Variants in FMNL3 observed in about 807,000 individuals in gnomAD.
FMNL3 encodes formin like 3.
In FMNL3, 57 loss-of-function variants were observed where a neutral mutation model predicts 119.6. The observed-to-expected ratio is 0.48, with a 90% CI of 0.39 to 0.59. The LOEUF is 0.59. Among genes scored for constraint, FMNL3 ranks in the 20% least tolerant of loss-of-function variants. The pLI, the probability that FMNL3 is intolerant of heterozygous loss-of-function variation, is 0.00. For synonymous variants in FMNL3, 491 were observed against 507.3 expected (o/e 0.97, Z 0.43); for missense variants, 1,053 against 1,323.5 (o/e 0.80, Z 3.17).
chr12:49,661,256 C>T (rs556297832), intron 5 of FMNL3, among the ~76,000 whole-genome samples: 5 of 152,266 alleles, frequency 3.3e-5, no homozygotes, highest in Admixed American at 6.5e-5. Flanking sequence ...CTTTAACACA[C>T]GTTATCATCT....
rs750775599 is a variant in FMNL3, at chr12:49,640,561, T to C, written c.*5254A>G. On this transcript the variant is annotated 3_prime_UTR_variant, in exon 26 of 26. Transcript: ENST00000335154. ...GGAGAGTAGAGTCATGGAGGTGGCA[T>C]GGGGGCAGCACATGTTTTAGAGTCA... The C allele has an allele frequency of 3.9e-5, 6 of 152,016 alleles. No homozygotes were observed. Among genetic ancestry groups the C allele is most frequent in the Non-Finnish European group, 8.8e-5 (6 of 68,018 alleles). The allele number at this position is 152,016 out of a possible 1,614,324, so 9.4% of individuals were successfully genotyped here. A position where few individuals can be genotyped will look rare whatever the true frequency, so the allele number is the denominator to read the frequency against.
rs1942623844 is a variant in FMNL3 at position 49,641,354 on chromosome 12, T to C, written c.*4461A>G. 1 of 152,686 alleles carries C rather than the reference T, an allele frequency of 6.5e-6. No homozygotes were observed. Among genetic ancestry groups the C allele is most frequent in the East Asian group, 1.9e-4 (1 of 5,206 alleles). The allele number at this position is 152,686 out of a possible 1,614,324, so 9.5% of individuals were successfully genotyped here. On this transcript the variant is annotated 3_prime_UTR_variant, in exon 26 of 26. Transcript: ENST00000335154. ...AGGGTAGGGTTCTTGCCCAGCCGTA[T>C]ATCAGCTGTGAGACCTTGGGCAAGT...
At chr12:49,661,254 C>G (rs1050203401) in intron 5 of FMNL3, among the ~76,000 whole-genome samples, 1 of 152,158 alleles carries the variant, frequency 6.6e-6, no homozygotes. Context: ...TGCTTTAACA[C>G]ACGTTATCAT....
chr12:49,704,607 A>AGG (rs1944994209), intron 1 of FMNL3, among the ~76,000 whole-genome samples: 1 of 146,026 alleles, frequency 6.8e-6, no homozygotes. Flanking sequence ...GCTACTGGGG[A>AGG]GGCTGAAGCA....
chr12:49,707,029 G>C (rs774049302), intron 1 of FMNL3, 26 bp downstream of exon 1: 56 of 1,561,260 alleles, frequency 3.6e-5, no homozygotes, highest in Admixed American at 9.7e-5. Flanking sequence ...CGGTACGCGG[G>C]GGAAGGGGCT....
intron 1 of FMNL3, among the ~76,000 whole-genome samples, chr12:49,685,949 C>T (rs1447926415): frequency 6.6e-6 from 1 of 152,064 alleles, no homozygotes; most frequent in Non-Finnish European, 1.5e-5. Context: ...CGCCTGTAAT[C>T]CCAGCTACTC....
chr12:49,666,628 CA>C (rs1050176906), intron 2 of FMNL3, among the ~76,000 whole-genome samples: 1 of 151,498 alleles, frequency 6.6e-6, no homozygotes, highest in Non-Finnish European at 1.5e-5. Flanking sequence ...TCTGTCTCTA[CA>C]AAAAAAACTT....
chr12:49,706,964 G>A lies in FMNL3; in HGVS notation c.126+91C>T, dbSNP rs1203179712. 3.5e-6 allele frequency: 5 copies of A among 1,410,052 alleles called. No individual in the cohort carries two copies. The East Asian group carries it at 1.3e-4, about 37-fold the overall frequency. 87.3% of individuals were successfully genotyped at this position (1,410,052 alleles called of 1,614,324 possible). A position where few individuals can be genotyped will look rare whatever the true frequency, so the allele number is the denominator to read the frequency against. ...CGTTCGGGACCCCGACTGAAAGGGT[G>A]GGCGGGACGGGGGCCCAGCACAAAG... On this transcript the variant is annotated intron_variant, in intron 1 of 25. Coordinates refer to ENST00000335154, the MANE Select transcript of FMNL3 (RefSeq NM_175736.5).
At chr12:49,695,793 C>T (rs1397980107) in intron 1 of FMNL3, among the ~76,000 whole-genome samples, 12 of 150,622 alleles carry the variant, frequency 8.0e-5, no homozygotes, top group Admixed American at 3.9e-4. Context: ...ATGAAATATC[C>T]GAGCAGTCAA....
chr12:49,651,177 C>G lies in FMNL3; in HGVS notation c.1788G>C (p.Lys596Asn). 6.2e-7 allele frequency: 1 copy of G among 1,613,246 alleles called. No homozygotes were observed. Among genetic ancestry groups the G allele is most frequent in the Non-Finnish European group, 8.5e-7 (1 of 1,179,236 alleles). Residue 596 changes from lysine (K) to asparagine (N), a missense_variant, in exon 16 of 26, where the codon AAG becomes AAC. Lys to Asn is a moderately conservative substitution (Grantham distance 94). Transcript: ENST00000335154. ...GTVFSELDDE[K>N]ILEDLDLDKF... Reference sequence around the variant, plus strand: ...CCCCAGGCCCTGTTACCTCCAAGATCTTCTCATCATCAAGTTCGCTGAAGA... The same window carrying G: ...CCCCAGGCCCTGTTACCTCCAAGATGTTCTCATCATCAAGTTCGCTGAAGA...
At chr12:49,654,328 C>T (rs763921207) in intron 10 of FMNL3, 26 bp from the exon 11 acceptor site, 26 of 1,600,396 alleles carry the variant, frequency 1.6e-5, no homozygotes, top group Non-Finnish European at 2.1e-5. Flanking sequence ...CCCAGAGAAG[C>T]AGCAACAGGA....
intron 1 of FMNL3, among the ~76,000 whole-genome samples, chr12:49,685,103 C>T (rs1944424610): frequency 6.6e-6 from 1 of 152,140 alleles, no homozygotes; most frequent in Non-Finnish European, 1.5e-5. Context: ...ACTCTACCAC[C>T]CCAGAGTTCA....
Position 49,642,816 on chromosome 12 carries a change from T to C in FMNL3, c.*2999A>G, listed in dbSNP as rs1248124578. On this transcript the variant is annotated 3_prime_UTR_variant, in exon 26 of 26. Transcript: ENST00000335154. This position sits in a 1 kb window ranked among gnomAD's most constrained non-coding sequence, Gnocchi z 5.8. ...AGGGGAGGCCTGAGGATCCCTGGGA[T>C]AGGCAGAAGGCTCTAGTCTGAGAAA... 4 of 1,430,012 alleles carry C rather than the reference T, an allele frequency of 2.8e-6. No homozygotes were observed. The highest frequency in any genetic ancestry group is 2.0e-5 in the Admixed American group (1 of 50,130). The allele number at this position is 1,430,012 out of a possible 1,614,324, so 88.6% of individuals were successfully genotyped here.
intron 1 of FMNL3, among the ~76,000 whole-genome samples, chr12:49,697,255 T>C (rs1370414604): frequency 6.6e-6 from 1 of 152,182 alleles, no homozygotes; most frequent in Non-Finnish European, 1.5e-5. Flanking sequence ...GAATCAGGTA[T>C]TAAACCAACA....
intron 1 of FMNL3, among the ~76,000 whole-genome samples, chr12:49,694,617 A>G (rs552896848): frequency 3.3e-5 from 5 of 152,294 alleles, no homozygotes; most frequent in Non-Finnish European, 5.9e-5. Flanking sequence ...AATTAGTATA[A>G]TAAGTATATC....
intron 1 of FMNL3, among the ~76,000 whole-genome samples, chr12:49,683,559 A>G (rs1348249724): frequency 6.6e-6 from 1 of 152,268 alleles, no homozygotes; most frequent in East Asian, 1.9e-4. Context: ...AATAGTTAAC[A>G]TTTATTTGAC....
chr12:49,707,235 T>TCGGCTCCG lies in FMNL3; in HGVS notation c.-63_-56dup, dbSNP rs1945076618. 1 of 1,413,308 alleles carries TCGGCTCCG rather than the reference T, an allele frequency of 7.1e-7. No homozygotes were observed. The highest frequency in any genetic ancestry group is 9.2e-7 in the Non-Finnish European group (1 of 1,081,930). The allele number at this position is 1,413,308 out of a possible 1,614,324, so 87.5% of individuals were successfully genotyped here. A position where few individuals can be genotyped will look rare whatever the true frequency, so the allele number is the denominator to read the frequency against. On this transcript the variant is annotated 5_prime_UTR_variant, in exon 1 of 26. Transcript: ENST00000335154. Reference sequence around the variant, plus strand: ...CCCCCACCTCCACGCTCCGGAGCTTTCGGCTCCGCGGCTCCGACCAGGCTC... The same window carrying TCGGCTCCG: ...CCCCCACCTCCACGCTCCGGAGCTTTCGGCTCCGCGGCTCCGCGGCTCCGACCAGGCTC...
Position 49,639,871 on chromosome 12 carries a change from C to T in FMNL3, c.*5944G>A, listed in dbSNP as rs189616825. 2 of 152,296 alleles carry T rather than the reference C, an allele frequency of 1.3e-5. No individual in the cohort carries two copies. Among genetic ancestry groups the T allele is most frequent in the Admixed American group, 6.5e-5 (1 of 15,298 alleles). 9.4% of individuals were successfully genotyped at this position (152,296 alleles called of 1,614,324 possible). A position where few individuals can be genotyped will look rare whatever the true frequency, so the allele number is the denominator to read the frequency against. ...GGAATTCTATTTGGGGAATTACTCT[C>T]AAAGCAAATATATTTTAAAACAGAA... On this transcript the variant is annotated 3_prime_UTR_variant, in exon 26 of 26. Coordinates refer to ENST00000335154, the MANE Select transcript of FMNL3 (RefSeq NM_175736.5).
chr12:49,656,513 G>A lies in FMNL3; in HGVS notation c.792-16C>T, dbSNP rs758059776. 32 of 1,608,366 alleles carry A rather than the reference G, an allele frequency of 2.0e-5. No homozygotes were observed. The East Asian group carries it at 6.7e-4, about 34-fold the overall frequency. Reference sequence around the variant, plus strand: ...GGCTTTGGTCCTAAGGGGTGAAGAAGGAAGATTAACACCCTAACTCCCCAT... The same window carrying A: ...GGCTTTGGTCCTAAGGGGTGAAGAAAGAAGATTAACACCCTAACTCCCCAT... On this transcript the variant is annotated splice_polypyrimidine_tract_variant and intron_variant, in intron 8 of 25. Coordinates refer to ENST00000335154, the MANE Select transcript of FMNL3 (RefSeq NM_175736.5).
Sources: gnomAD v4.1 joint callset for allele counts (sites outside exome capture counted in the v4.1 genomes callset) on GRCh38, gnomAD v4.1.1 for gene constraint, Gnocchi (gnomAD v3.1) non-coding constraint, MANE v1.5 for transcripts, NCBI Gene and HGNC (gene_info 2026-07-23, HGNC 2026-07-21) for gene names.